EML1: variants seen among roughly 807,000 people sequenced by gnomAD.
The protein encoded by EML1 is echinoderm microtubule-associated protein-like 1.
EML1 carries 27 observed loss-of-function variants against 110.4 expected under a neutral mutation model. The observed-to-expected ratio is 0.24, with a 90% confidence interval of 0.18 to 0.34. The LOEUF (loss-of-function observed/expected upper bound fraction) is 0.34, where lower values mean the gene tolerates loss of function less well. Ranked by LOEUF, EML1 falls within the 10% of genes least tolerant of loss-of-function variation. The probability of loss-of-function intolerance (pLI) is 1.00; values close to 1 mark genes in which losing one functional copy is unlikely to be tolerated. For missense variants in EML1, 741 were observed against 1,030.9 expected (o/e 0.72, Z 3.85); for synonymous variants, 344 against 385.8 (o/e 0.89, Z 1.27).
intron 3 of EML1, among the ~76,000 whole-genome samples, chr14:99,870,887 C>T (rs1443142866): frequency 6.6e-6 from 1 of 152,196 alleles, no homozygotes; most frequent in Non-Finnish European, 1.5e-5. Flanking sequence ...TTTATGCTGG[C>T]TCACACAACA....
At chr14:99,816,180 T>C (rs943773209) in intron 1 of EML1, among the ~76,000 whole-genome samples, 7 of 152,166 alleles carry the variant, frequency 4.6e-5, no homozygotes, top group Non-Finnish European at 7.3e-5. Flanking sequence ...TATTATTTTT[T>C]TTAGACGGAG....
At chr14:99,914,545 G>C (rs748777731) in intron 14 of EML1, 21 bp from the exon 15 acceptor site, 2 of 1,579,550 alleles carry the variant, frequency 1.3e-6, no homozygotes, top group Non-Finnish European at 1.7e-6. Context: ...GAGCGCTTCT[G>C]TTTGTCTTGG....
chr14:99,763,905 A>G (rs765025332), intron 1 of EML1, among the ~76,000 whole-genome samples: 62 of 152,166 alleles, frequency 4.1e-4, no homozygotes, highest in Non-Finnish European at 6.9e-4. Context: ...CGGGGCCTGC[A>G]GGAAATTTGT....
intron 1 of EML1, among the ~76,000 whole-genome samples, chr14:99,786,921 G>A (rs531410287): frequency 2.0e-5 from 3 of 152,152 alleles, no homozygotes; most frequent in Non-Finnish European, 4.4e-5. Context: ...GCCAGAACCA[G>A]GACAGAGGGA....
intron 5 of EML1, among the ~76,000 whole-genome samples, chr14:99,893,921 C>A (rs368378658): frequency 4.6e-5 from 7 of 152,244 alleles, no homozygotes; most frequent in African/African-American, 1.4e-4. Context: ...CGTGTTGATA[C>A]GTTGTTGATA....
intron 4 of EML1, among the ~76,000 whole-genome samples, chr14:99,879,484 G>A (rs2059349904): frequency 6.6e-6 from 1 of 151,842 alleles, no homozygotes; most frequent in African/African-American, 2.4e-5. Flanking sequence ...TAGTCATAAA[G>A]CAATCGACTC....
chr14:99,870,736 G>A (rs2059183775), intron 3 of EML1, among the ~76,000 whole-genome samples: 1 of 152,200 alleles, frequency 6.6e-6, no homozygotes, highest in South Asian at 2.1e-4. Flanking sequence ...CACATCTGTT[G>A]TAGCAATATG....
At chr14:99,779,659 G>A (rs1273710204) in intron 1 of EML1, among the ~76,000 whole-genome samples, 1 of 152,154 alleles carries the variant, frequency 6.6e-6, no homozygotes, top group Non-Finnish European at 1.5e-5. Flanking sequence ...CCTAAAAAAG[G>A]TCCTTCCACA....
intron 3 of EML1, among the ~76,000 whole-genome samples, chr14:99,870,580 A>C (rs2059181282): frequency 6.6e-6 from 1 of 152,252 alleles, no homozygotes; most frequent in South Asian, 2.1e-4. Flanking sequence ...TTCAAAGGAC[A>C]GACTGACTCT....
At chr14:99,814,256 G>A (rs1245942164) in intron 1 of EML1, among the ~76,000 whole-genome samples, 1 of 152,104 alleles carries the variant, frequency 6.6e-6, no homozygotes, top group Admixed American at 6.6e-5. Flanking sequence ...GAAGGTCAAA[G>A]GAACTTATTT....
chr14:99,927,092 C>T (rs2060248383), intron 17 of EML1, among the ~76,000 whole-genome samples: 1 of 152,198 alleles, frequency 6.6e-6, no homozygotes, highest in Non-Finnish European at 1.5e-5. Context: ...GTCTCCTCCC[C>T]AACCCAAATC....
intron 2 of EML1, among the ~76,000 whole-genome samples, chr14:99,857,733 C>T (rs1219327734): frequency 6.6e-6 from 1 of 152,202 alleles, no homozygotes; most frequent in Non-Finnish European, 1.5e-5. Flanking sequence ...AGGGTTCACC[C>T]ATGTTGGATC....
chr14:99,768,436 A>G (rs2057389019), upstream of EML1, among the ~76,000 whole-genome samples: 1 of 152,154 alleles, frequency 6.6e-6, no homozygotes, highest in South Asian at 2.1e-4. Context: ...AAGAGGGTCC[A>G]AAATGGCCAA....
In EML1 at chr14:99,850,938, C is replaced by T. The variant is rs751250000; in HGVS notation, c.153C>T (p.Asp51=). ...LEQRVQMQED[D]IQLLKSALAD... ...AGAGAGTCCAGATGCAAGAAGACGACATCCAGCTGCTCAAATCAGCTCTAG... is the reference window on the plus strand; with the variant it reads ...AGAGAGTCCAGATGCAAGAAGACGATATCCAGCTGCTCAAATCAGCTCTAG... The change falls in exon 2 of 22, where the codon GAC becomes GAT. Residue 51 remains aspartate, a synonymous_variant. Coordinates refer to ENST00000262233, the MANE Select transcript of EML1 (RefSeq NM_004434.3). 1 of 1,614,178 alleles carries T rather than the reference C, an allele frequency of 6.2e-7. No homozygotes were observed. Among genetic ancestry groups the T allele is most frequent in the South Asian group, 1.1e-5 (1 of 91,086 alleles).
At chr14:99,919,431 C>T (rs868711887) in intron 16 of EML1, among the ~76,000 whole-genome samples, 1 of 141,532 alleles carries the variant, frequency 7.1e-6, no homozygotes, top group Non-Finnish European at 1.6e-5. Context: ...CACAGACACA[C>T]ACACACACAC....
upstream of EML1, among the ~76,000 whole-genome samples, chr14:99,768,811 A>G (rs531933847): frequency 1.3e-4 from 20 of 149,556 alleles, no homozygotes; most frequent in East Asian, 3.9e-3. Context: ...TCTGCCTCCC[A>G]GGTTCAAGTG....
At chr14:99,757,896 G>T (rs1241528828) in intron 1 of EML1, among the ~76,000 whole-genome samples, 4 of 152,176 alleles carry the variant, frequency 2.6e-5, no homozygotes, top group Non-Finnish European at 4.4e-5. Context: ...GAAACAAGGA[G>T]GGGAGGAAAC....
chr14:99,819,784 C>T (rs535288857), intron 1 of EML1, among the ~76,000 whole-genome samples: 11 of 152,228 alleles, frequency 7.2e-5, no homozygotes, highest in Middle Eastern at 3.2e-3. Context: ...CACCGAGCAT[C>T]CCTCAGTGAA....
chr14:99,873,667 T>C (rs894429534), intron 3 of EML1, among the ~76,000 whole-genome samples: 14 of 152,226 alleles, frequency 9.2e-5, no homozygotes, highest in African/African-American at 2.7e-4. Context: ...GACTTATGTA[T>C]ATAGAATTCT....
Sources: allele counts gnomAD v4.1 joint callset (sites outside exome capture counted in the v4.1 genomes callset), GRCh38; gene constraint gnomAD v4.1.1; transcripts MANE v1.5; gene names NCBI Gene and HGNC (gene_info 2026-07-23, HGNC 2026-07-21).